The following KSR2 variants were observed in gnomAD, a reference collection of about 807,000 sequenced individuals.
KSR2 encodes kinase suppressor of ras 2.
In KSR2, 25 loss-of-function variants were observed where a neutral mutation model predicts 107.8. The ratio of observed to expected loss-of-function variants is 0.23; its 90% confidence interval spans 0.17 to 0.32. KSR2 has a LOEUF of 0.32. Ranked by LOEUF, KSR2 falls within the 10% of genes least tolerant of loss-of-function variation. KSR2 has a pLI of 1.00. For missense variants in KSR2, 887 were observed against 1,268.9 expected (o/e 0.70, Z 4.57); for synonymous variants, 480 against 507.0 (o/e 0.95, Z 0.71).
intron 5 of KSR2, among the ~76,000 whole-genome samples, chr12:117,611,445 GACAC>G (rs6144887): frequency 6.9e-6 from 1 of 144,500 alleles, no homozygotes; most frequent in African/African-American, 2.6e-5. Context: ...TGCACGCACA[GACAC>G]ACACACACAC....
intron 4 of KSR2, among the ~76,000 whole-genome samples, chr12:117,723,767 C>T (rs1219732048): frequency 2.6e-5 from 4 of 152,058 alleles, no homozygotes; most frequent in Admixed American, 2.6e-4. Flanking sequence ...GGAGCATCTG[C>T]ACTATTTCTT....
chr12:117,865,524 C>A (rs1321759476), intron 1 of KSR2, among the ~76,000 whole-genome samples: 1 of 152,056 alleles, frequency 6.6e-6, no homozygotes, highest in Non-Finnish European at 1.5e-5. Context: ...TTATCAACTT[C>A]TTTTCTTTTC....
intron 9 of KSR2, among the ~76,000 whole-genome samples, chr12:117,552,649 G>T (rs1420521683): frequency 2.0e-5 from 3 of 152,212 alleles, no homozygotes; most frequent in South Asian, 2.1e-4. Flanking sequence ...TGGAGTGAAA[G>T]AGCCTCTAAA....
intron 1 of KSR2, among the ~76,000 whole-genome samples, chr12:117,943,525 A>C (rs906272780): frequency 1.3e-5 from 2 of 150,778 alleles, no homozygotes; most frequent in Admixed American, 1.3e-4. Context: ...AAAAAAAAAA[A>C]AACCTCATAG....
chr12:117,746,214 G>C (rs1172724069), intron 4 of KSR2, among the ~76,000 whole-genome samples: 1 of 152,076 alleles, frequency 6.6e-6, no homozygotes, highest in Non-Finnish European at 1.5e-5. Context: ...AAACAGCATG[G>C]TACTGGTACC....
At chr12:117,882,661 T>G (rs1280463414) in intron 1 of KSR2, among the ~76,000 whole-genome samples, 1 of 144,534 alleles carries the variant, frequency 6.9e-6, no homozygotes, top group Non-Finnish European at 1.5e-5. Flanking sequence ...ATCCATTTAT[T>G]CATCCAACCA....
rs1871177584 is a variant in KSR2, at chr12:117,467,015, G to A, written c.*184C>T. 6.3e-6 allele frequency: 3 copies of A among 476,160 alleles called. No individual in the cohort carries two copies. Among genetic ancestry groups the A allele is most frequent in the Admixed American group, 4.1e-5 (1 of 24,446 alleles). The allele number at this position is 476,160 out of a possible 1,614,324, so 29.5% of individuals were successfully genotyped here. On this transcript the variant is annotated 3_prime_UTR_variant, in exon 20 of 20. Transcript: ENST00000339824. The stretch of plus-strand genomic sequence containing the variant: ...AGCTCGGGGGTCCCCAACCCTGCCC[G>A]AGGAAAAGGGCTCAAGTCTGAGGTG...
At chr12:117,516,996 C>G (rs1284078142) in intron 14 of KSR2, among the ~76,000 whole-genome samples, 1 of 152,128 alleles carries the variant, frequency 6.6e-6, no homozygotes, top group East Asian at 1.9e-4. Flanking sequence ...GTGATGTGTA[C>G]CACTTGTAGG....
intron 4 of KSR2, among the ~76,000 whole-genome samples, chr12:117,692,529 C>A (rs1481528571): frequency 7.3e-6 from 1 of 137,230 alleles, no homozygotes; most frequent in Non-Finnish European, 1.6e-5. Flanking sequence ...TATATACACA[C>A]ACACATATAT....
chr12:117,946,025 C>T (rs1896170574), intron 1 of KSR2, among the ~76,000 whole-genome samples: 2 of 152,054 alleles, frequency 1.3e-5, no homozygotes, highest in Non-Finnish European at 2.9e-5. Flanking sequence ...ATATTATGAA[C>T]TGGAAAACAA....
intron 4 of KSR2, among the ~76,000 whole-genome samples, chr12:117,688,236 C>T (rs1460214307): frequency 6.6e-6 from 1 of 152,124 alleles, no homozygotes; most frequent in Non-Finnish European, 1.5e-5. Flanking sequence ...AAAAACTGGC[C>T]AGGAATGGTG....
chr12:117,631,115 C>G (rs1186938628), intron 5 of KSR2, among the ~76,000 whole-genome samples: 2 of 152,098 alleles, frequency 1.3e-5, no homozygotes, highest in Non-Finnish European at 2.9e-5. Context: ...GCCTGGGAAA[C>G]AGTGAAACTC....
chr12:117,729,281 CT>C (rs1004457727), intron 4 of KSR2, among the ~76,000 whole-genome samples: 1 of 152,044 alleles, frequency 6.6e-6, no homozygotes, highest in Admixed American at 6.6e-5. Flanking sequence ...CATGCATTGA[CT>C]GCCTCAGCAA....
At chr12:117,598,831 A>G (rs1295503555) in intron 5 of KSR2, among the ~76,000 whole-genome samples, 1 of 148,612 alleles carries the variant, frequency 6.7e-6, no homozygotes, top group Non-Finnish European at 1.5e-5. Context: ...TCCCACAGGA[A>G]AAAAAAAAAA....
At chr12:117,608,906 G>T (rs1009364413) in intron 5 of KSR2, among the ~76,000 whole-genome samples, 1 of 152,036 alleles carries the variant, frequency 6.6e-6, no homozygotes, top group Non-Finnish European at 1.5e-5. Context: ...ACACAGTTGG[G>T]GGGTAATAGC....
chr12:117,470,403 A>G (rs1871377225), intron 18 of KSR2, among the ~76,000 whole-genome samples: 1 of 152,044 alleles, frequency 6.6e-6, no homozygotes, highest in Non-Finnish European at 1.5e-5. Context: ...CCATCCATCC[A>G]TCCATCCGTT....
At chr12:117,716,534 A>G (rs1377726750) in intron 4 of KSR2, among the ~76,000 whole-genome samples, 4 of 152,250 alleles carry the variant, frequency 2.6e-5, no homozygotes, top group Non-Finnish European at 4.4e-5. Flanking sequence ...TTTTGGATCT[A>G]TTGGTAAAAT....
intron 12 of KSR2, among the ~76,000 whole-genome samples, chr12:117,530,537 T>C (rs577613733): frequency 1.8e-4 from 28 of 152,336 alleles, no homozygotes; most frequent in South Asian, 4.1e-4. Context: ...AATGAGACTT[T>C]TGAAAGTTAT....
chr12:117,665,465 A>G (rs1884620858), intron 5 of KSR2, among the ~76,000 whole-genome samples: 1 of 152,152 alleles, frequency 6.6e-6, no homozygotes, highest in African/African-American at 2.4e-5. Flanking sequence ...CACTCATAGG[A>G]TGGCGATGAC....
Sources: gnomAD v4.1 joint callset for allele counts (sites outside exome capture counted in the v4.1 genomes callset) on GRCh38, gnomAD v4.1.1 for gene constraint, MANE v1.5 for transcripts, NCBI Gene and HGNC (gene_info 2026-07-23, HGNC 2026-07-21) for gene names.